PRKG1: variants seen among roughly 807,000 people sequenced by gnomAD.
PRKG1 encodes cGMP-dependent protein kinase 1.
In PRKG1, 35 loss-of-function variants were observed where a neutral mutation model predicts 88.1. The ratio of observed to expected loss-of-function variants is 0.40; its 90% CI spans 0.30 to 0.53. The LOEUF (loss-of-function observed/expected upper bound fraction) is 0.53. PRKG1 is among the 20% of genes least tolerant of loss of function. PRKG1 has a pLI of 0.59. For missense variants in PRKG1, 540 were observed against 839.8 expected (o/e 0.64, Z 4.41); for synonymous variants, 303 against 292.5 (o/e 1.04, Z -0.37).
chr10:52,099,691 G>A lies in PRKG1; in HGVS notation c.936-34149G>A, dbSNP rs76018128. On this transcript the variant is annotated intron_variant, in intron 7 of 17. Coordinates refer to ENST00000373980, the MANE Select transcript of PRKG1 (RefSeq NM_006258.4). ...AAAAGTGATACAGGGTCATCTATAAGATGTTACCATCCACAGTGACTTAGA... is the reference window on the plus strand; with the variant it reads ...AAAAGTGATACAGGGTCATCTATAAAATGTTACCATCCACAGTGACTTAGA... Among the ~76,000 whole-genome samples, 21 of 152,278 alleles carry A rather than the reference G, an allele frequency of 1.4e-4. 1 individual carries two copies. The East Asian group carries it at 3.9e-3, about 28-fold the overall frequency.
chr10:51,144,154 A>G (rs1336216986), intron 1 of PRKG1, among the ~76,000 whole-genome samples: 4 of 151,958 alleles, frequency 2.6e-5, no homozygotes. Context: ...GTTTATGATG[A>G]GAGATAAGGG....
intron 3 of PRKG1, among the ~76,000 whole-genome samples, chr10:51,636,120 T>C (rs1300204751): frequency 6.6e-6 from 1 of 152,186 alleles, no homozygotes; most frequent in Non-Finnish European, 1.5e-5. Context: ...CTTTAAAGCA[T>C]AAGCTGCTTT....
intron 2 of PRKG1, among the ~76,000 whole-genome samples, chr10:51,398,925 G>A (rs1351478690): frequency 6.6e-6 from 1 of 152,066 alleles, no homozygotes; most frequent in Non-Finnish European, 1.5e-5. Context: ...TGGTTGTGGA[G>A]CCTTTCAGAT....
chr10:51,429,111 C>G (rs1403614763), intron 2 of PRKG1, among the ~76,000 whole-genome samples: 2 of 152,206 alleles, frequency 1.3e-5, no homozygotes, highest in African/African-American at 2.4e-5. Flanking sequence ...CCCTAACTGA[C>G]ACACAGATCC....
At chr10:51,810,456 T>TA (rs1161684845) in intron 4 of PRKG1, among the ~76,000 whole-genome samples, 3 of 152,284 alleles carry the variant, frequency 2.0e-5, no homozygotes, top group Middle Eastern at 6.8e-3. Flanking sequence ...GGGTGAGCCC[T>TA]TGGCAAGTCA....
intron 3 of PRKG1, among the ~76,000 whole-genome samples, chr10:51,693,177 A>C (rs1271723700): frequency 1.3e-5 from 2 of 151,274 alleles, no homozygotes; most frequent in Admixed American, 6.6e-5. Context: ...AATCACAGCT[A>C]CTTGAGAGGA....
At chr10:51,604,314 A>G (rs867764482) in intron 3 of PRKG1, among the ~76,000 whole-genome samples, 1 of 152,170 alleles carries the variant, frequency 6.6e-6, no homozygotes, top group Non-Finnish European at 1.5e-5. Context: ...TTTCATACAG[A>G]GGGAAGAATG....
intron 3 of PRKG1, among the ~76,000 whole-genome samples, chr10:51,528,712 T>C (rs1175372399): frequency 2.0e-5 from 3 of 152,124 alleles, no homozygotes; most frequent in Non-Finnish European, 4.4e-5. Context: ...TGCAGAGGGC[T>C]AATTAAGTAA....
chr10:51,647,015 C>T (rs564126624), intron 3 of PRKG1, among the ~76,000 whole-genome samples: 1 of 151,734 alleles, frequency 6.6e-6, no homozygotes, highest in East Asian at 1.9e-4. Flanking sequence ...TTAAGAGAAC[C>T]ATTAGTTATT....
intron 5 of PRKG1, among the ~76,000 whole-genome samples, chr10:52,013,490 G>A (rs576574401): frequency 5.9e-5 from 9 of 152,224 alleles, no homozygotes; most frequent in African/African-American, 2.2e-4. Flanking sequence ...AAAGTGAGGA[G>A]GAGGAGGTAG....
At chr10:51,040,344 C>T (rs1270288423) in intron 1 of PRKG1, among the ~76,000 whole-genome samples, 1 of 92,980 alleles carries the variant, frequency 1.1e-5, no homozygotes, top group African/African-American at 4.2e-5. Context: ...TTTGAGATGG[C>T]GTCTTGCTCT....
chr10:51,912,302 A>G (rs1842235768), intron 5 of PRKG1, among the ~76,000 whole-genome samples: 1 of 152,208 alleles, frequency 6.6e-6, no homozygotes, highest in Non-Finnish European at 1.5e-5. Context: ...AGTCATGATA[A>G]GGAGTCTGGT....
chr10:51,856,422 G>A (rs1840680878), intron 4 of PRKG1, among the ~76,000 whole-genome samples: 2 of 152,132 alleles, frequency 1.3e-5, no homozygotes, highest in Non-Finnish European at 2.9e-5. Context: ...CTGCAAAGCC[G>A]TTTGCTAATT....
chr10:51,531,614 T>TGTTTCGG (rs1364114634), intron 3 of PRKG1, among the ~76,000 whole-genome samples: 1 of 151,660 alleles, frequency 6.6e-6, no homozygotes, highest in Non-Finnish European at 1.5e-5. Flanking sequence ...ATAGAGACAT[T>TGTTTCGG]GTTTCGGACT....
chr10:52,283,408 C>T (rs188291381), intron 14 of PRKG1, among the ~76,000 whole-genome samples: 24 of 152,134 alleles, frequency 1.6e-4, no homozygotes, highest in Non-Finnish European at 2.8e-4. Flanking sequence ...GGACTTTGAG[C>T]ACAGGGTACT....
chr10:50,992,954 G>A (rs182972097), intron 1 of PRKG1, among the ~76,000 whole-genome samples: 267 of 152,196 alleles, frequency 1.8e-3, no homozygotes, highest in African/African-American at 6.1e-3. Flanking sequence ...GCCCTCAGGG[G>A]ACTCCTAAAC....
chr10:51,748,394 G>C (rs1456688497), intron 3 of PRKG1, among the ~76,000 whole-genome samples: 2 of 152,142 alleles, frequency 1.3e-5, no homozygotes, highest in Non-Finnish European at 2.9e-5. Flanking sequence ...CAGTCTGTAT[G>C]ATAATTAAAT....
At chr10:51,017,917 G>A (rs982731099) in intron 1 of PRKG1, among the ~76,000 whole-genome samples, 1 of 151,942 alleles carries the variant, frequency 6.6e-6, no homozygotes, top group Non-Finnish European at 1.5e-5. Context: ...TCCCACCTCA[G>A]CCTTCTGAGT....
At chr10:52,290,109 T>A in intron 16 of PRKG1, 115 bp from the exon 17 acceptor site, 1 of 722,612 alleles carries the variant, frequency 1.4e-6, no homozygotes, top group South Asian at 2.4e-5. Context: ...AACATTTTTG[T>A]CACATGAAAA....
Sources: allele counts gnomAD v4.1 joint callset (sites outside exome capture counted in the v4.1 genomes callset), GRCh38; gene constraint gnomAD v4.1.1; transcripts MANE v1.5; gene names NCBI Gene and HGNC (gene_info 2026-07-23, HGNC 2026-07-21).